Variants in RXRG observed in about 807,000 individuals in gnomAD.
The protein encoded by RXRG is retinoic acid receptor RXR-gamma.
RXRG carries 19 observed loss-of-function variants against 49.2 expected under a neutral mutation model. That is an observed-to-expected ratio of 0.39 (90% CI 0.27 to 0.57). The LOEUF is 0.57. Ranked by LOEUF, RXRG falls within the 20% of genes least tolerant of loss-of-function variation. The pLI is 0.64. For synonymous variants in RXRG, 224 were observed against 216.6 expected, an observed-to-expected ratio of 1.03 and a Z score of -0.30; for missense variants, 452 against 592.5, an observed-to-expected ratio of 0.76 and a Z score of 2.46.
At chr1:165,404,285 C>T (rs1657674381) in intron 9 of RXRG, among the ~76,000 whole-genome samples, 1 of 152,214 alleles carries the variant, frequency 6.6e-6, no homozygotes, top group Non-Finnish European at 1.5e-5. Flanking sequence ...ACCCAGGAGA[C>T]TATGCAGGGG....
At chr1:165,406,047 T>C (rs751104744) in intron 9 of RXRG, among the ~76,000 whole-genome samples, 1 of 152,266 alleles carries the variant, frequency 6.6e-6, no homozygotes, top group Non-Finnish European at 1.5e-5. Flanking sequence ...TTTCCAATTT[T>C]CTATGAGATT....
intron 2 of RXRG, among the ~76,000 whole-genome samples, chr1:165,426,827 G>A (rs1175643135): frequency 1.3e-5 from 2 of 152,148 alleles, no homozygotes; most frequent in Non-Finnish European, 2.9e-5. Context: ...CACAGGGTGA[G>A]TCAGTGAGCT....
At chr1:165,431,939 C>T (rs1313749180) in intron 1 of RXRG, among the ~76,000 whole-genome samples, 2 of 152,090 alleles carry the variant, frequency 1.3e-5, no homozygotes, top group Non-Finnish European at 2.9e-5. Flanking sequence ...CTAAAGATAG[C>T]TATTTAAGCT....
chr1:165,436,159 G>A (rs1478345618), intron 1 of RXRG, among the ~76,000 whole-genome samples: 1 of 152,138 alleles, frequency 6.6e-6, no homozygotes, highest in Non-Finnish European at 1.5e-5. Context: ...GCAGATCATC[G>A]AGTTCAACCC....
rs1364814272 is a variant in RXRG at position 165,401,329 on chromosome 1, G to T, written c.1326C>A (p.Leu442=). Residue 442 remains leucine (L), a synonymous_variant, in exon 10 of 10, where the codon CTC becomes CTA. Transcript: ENST00000359842. ...AGGTGTCAATGGGGGTGTCCCCGAT[G>T]AGCTTGAAGAAGAAGAGGTGCTCCA... The part of the protein sequence containing the change: ...KCLEHLFFFK[L]IGDTPIDTFL... 8.7e-6 allele frequency: 14 copies of T among 1,614,118 alleles called. No homozygotes were observed. Among genetic ancestry groups the T allele is most frequent in the Non-Finnish European group, 1.2e-5 (14 of 1,180,014 alleles).
intron 7 of RXRG, among the ~76,000 whole-genome samples, chr1:165,409,058 G>A (rs568331399): frequency 4.6e-5 from 7 of 152,180 alleles, no homozygotes; most frequent in Admixed American, 3.3e-4. Flanking sequence ...CCTGCCTGAC[G>A]AAGATGGGTT....
Position 165,411,129 on chromosome 1 carries a change from G to A in RXRG, c.623-20C>T. 3 of 1,611,732 alleles carry A rather than the reference G, an allele frequency of 1.9e-6. No homozygotes were observed. The highest frequency in any genetic ancestry group is 1.1e-5 in the South Asian group (1 of 90,574). On this transcript the variant is annotated intron_variant, in intron 4 of 9. Coordinates refer to ENST00000359842, the MANE Select transcript of RXRG (RefSeq NM_006917.5). ...GCACAGCTGACATGCAGCAGGACAT[G>A]CAGAGGTTACCATAATGCCCAGGAC... is the stretch of plus-strand genomic sequence containing the variant.
intron 1 of RXRG, among the ~76,000 whole-genome samples, chr1:165,438,232 A>C (rs1414944994): frequency 6.6e-6 from 1 of 152,228 alleles, no homozygotes; most frequent in Admixed American, 6.5e-5. Flanking sequence ...GAAATGCTTC[A>C]AAATCCAGAA....
Position 165,428,838 on chromosome 1 carries a change from C to G in RXRG, c.178G>C (p.Gly60Arg). ...VSAPRTLSAV[G>R]TPLNALGSPY... The stretch of plus-strand genomic sequence containing the variant: ...GAGCCCAGGGCATTGAGGGGGGTCC[C>G]CACTGCACTCAGAGTCCGTGGGGCA... Residue 60 changes from glycine (G) to arginine (R), a missense_variant, in exon 2 of 10, where the codon GGG becomes CGG. Coordinates refer to ENST00000359842, the MANE Select transcript of RXRG (RefSeq NM_006917.5). 6.2e-7 allele frequency: 1 copy of G among 1,614,116 alleles called. No homozygotes were observed. The highest frequency in any genetic ancestry group is 8.5e-7 in the Non-Finnish European group (1 of 1,179,992).
intron 4 of RXRG, among the ~76,000 whole-genome samples, chr1:165,415,746 G>A (rs772207072): frequency 3.3e-4 from 51 of 152,322 alleles, no homozygotes; most frequent in Non-Finnish European, 6.3e-4. Flanking sequence ...AGGCTGGGGT[G>A]TGGGGCAGAT....
At chr1:165,407,362 A>G (rs1657790093) in intron 8 of RXRG, among the ~76,000 whole-genome samples, 1 of 152,172 alleles carries the variant, frequency 6.6e-6, no homozygotes, top group Non-Finnish European at 1.5e-5. Context: ...CTGAAGGTTC[A>G]TCTTTCTTGA....
intron 9 of RXRG, among the ~76,000 whole-genome samples, chr1:165,402,194 C>T (rs1657598221): frequency 6.6e-6 from 1 of 152,268 alleles, no homozygotes; most frequent in African/African-American, 2.4e-5. Flanking sequence ...AAGCAATTCT[C>T]CTGCCTCAGC....
intron 2 of RXRG, among the ~76,000 whole-genome samples, chr1:165,422,444 G>A (rs1051433778): frequency 7.2e-5 from 11 of 152,344 alleles, no homozygotes; most frequent in African/African-American, 2.6e-4. Flanking sequence ...AAGATCACAT[G>A]CTATTGAGAT....
At position 165,411,398 on chromosome 1, in the gene RXRG, T is replaced by C. The variant is rs906304520; in HGVS notation, c.623-289A>G. On this transcript the variant is annotated intron_variant, in intron 4 of 9. Coordinates refer to ENST00000359842, the MANE Select transcript of RXRG (RefSeq NM_006917.5). The stretch of plus-strand genomic sequence containing the variant: ...ATAAACTCTAATTGTATCCTCTCTT[T>C]TAATGGGCCAACCACTCCTTGCTAT... 2.2e-4 allele frequency among the ~76,000 whole-genome samples: 34 copies of C among 152,316 alleles called. No individual in the cohort carries two copies. The East Asian group carries it at 5.6e-3, about 25-fold the overall frequency.
chr1:165,412,111 C>T (rs1290273916), intron 4 of RXRG, among the ~76,000 whole-genome samples: 3 of 152,210 alleles, frequency 2.0e-5, no homozygotes, highest in East Asian at 3.8e-4. Flanking sequence ...TGCAAGAGTG[C>T]CTCCTACTCT....
At chr1:165,415,463 TAAG>T (rs1658094092) in intron 4 of RXRG, among the ~76,000 whole-genome samples, 1 of 152,204 alleles carries the variant, frequency 6.6e-6, no homozygotes, top group African/African-American at 2.4e-5. Context: ...GCTACTGTGC[TAAG>T]AAGAGACTGT....
intron 1 of RXRG, among the ~76,000 whole-genome samples, chr1:165,433,625 G>T (rs2101740824): frequency 6.6e-6 from 1 of 152,260 alleles, no homozygotes; most frequent in Non-Finnish European, 1.5e-5. Context: ...CATACTCCTG[G>T]GTCTCATTTC....
rs779942426 is a variant in RXRG, at chr1:165,428,827, G to C, written c.189C>G (p.Leu63=). ...CTCGATATGGAGAGCCCAGGGCATT[G>C]AGGGGGGTCCCCACTGCACTCAGAG... The part of the protein sequence containing the change: ...PRTLSAVGTP[L]NALGSPYRVI... The change falls in exon 2 of 10, where the codon CTC becomes CTG. Residue 63 remains leucine, a synonymous_variant. Transcript: ENST00000359842. The C allele has an allele frequency of 1.2e-6, 2 of 1,614,196 alleles. No homozygotes were observed. Among genetic ancestry groups the C allele is most frequent in the South Asian group, 2.2e-5 (2 of 91,088 alleles).
At chr1:165,427,402 A>ATGTTTTGTTTTGTTT (rs67818708) in intron 2 of RXRG, among the ~76,000 whole-genome samples, 19 of 149,610 alleles carry the variant, frequency 1.3e-4, no homozygotes, top group East Asian at 4.0e-4. Context: ...AATCTGTCAT[A>ATGTTTTGTTTTGTTT]TGTTTTGTTT....
Sources: allele counts gnomAD v4.1 joint callset (sites outside exome capture counted in the v4.1 genomes callset), GRCh38; gene constraint gnomAD v4.1.1; transcripts MANE v1.5; gene names NCBI Gene and HGNC (gene_info 2026-07-23, HGNC 2026-07-21).